The following TNKS variants were observed in gnomAD, a reference collection of about 807,000 sequenced individuals.
The protein encoded by TNKS is tankyrase, also known as poly [ADP-ribose] polymerase tankyrase-1.
In TNKS, 72 loss-of-function variants were observed where a neutral mutation model predicts 135.8. The ratio of observed to expected loss-of-function variants is 0.53; its 90% CI spans 0.44 to 0.64. The LOEUF (loss-of-function observed/expected upper bound fraction) is 0.64, where lower values mean the gene tolerates loss of function less well. TNKS is among the 30% of genes least tolerant of loss of function. TNKS has a pLI of 0.00. For missense variants in TNKS, 1,769 were observed against 1,674.0 expected, an observed-to-expected ratio of 1.06 and a Z score of -0.99; for synonymous variants, 849 against 649.3, an observed-to-expected ratio of 1.31 and a Z score of -4.68.
chr8:9,650,705 TGTTA>T (rs1178506645), intron 3 of TNKS, among the ~76,000 whole-genome samples: 8 of 152,296 alleles, frequency 5.3e-5, no homozygotes, highest in African/African-American at 9.6e-5. Flanking sequence ...AGATTCTAGA[TGTTA>T]GTTAGTCATC....
chr8:9,780,355 A>G lies in TNKS; in HGVS notation c.*3619A>G, dbSNP rs1044232831. 2.0e-5 allele frequency: 3 copies of G among 152,158 alleles called. No homozygotes were observed. Among genetic ancestry groups the G allele is most frequent in the Admixed American group, 6.5e-5 (1 of 15,280 alleles). 9.4% of individuals were successfully genotyped at this position (152,158 alleles called of 1,614,324 possible). Reference sequence around the variant, plus strand: ...TTCTTCTTGTGTTTTCTGTTGGACTAATTGTCTCACGTAAAGCTATAGACC... The same window carrying G: ...TTCTTCTTGTGTTTTCTGTTGGACTGATTGTCTCACGTAAAGCTATAGACC... On this transcript the variant is annotated 3_prime_UTR_variant, in exon 27 of 27. Coordinates refer to ENST00000310430, the MANE Select transcript of TNKS (RefSeq NM_003747.3).
intron 2 of TNKS, among the ~76,000 whole-genome samples, chr8:9,597,341 G>T (rs887199928): frequency 3.3e-5 from 5 of 152,208 alleles, no homozygotes; most frequent in Non-Finnish European, 4.4e-5. Context: ...TGCCACACAA[G>T]ACTATTTTTG....
intron 3 of TNKS, among the ~76,000 whole-genome samples, chr8:9,627,444 T>G (rs1800104542): frequency 6.6e-6 from 1 of 152,176 alleles, no homozygotes; most frequent in Non-Finnish European, 1.5e-5. Flanking sequence ...GCAGGTAGTC[T>G]TTGTGGGACT....
chr8:9,672,561 A>C (rs1305275788), intron 3 of TNKS, among the ~76,000 whole-genome samples: 1 of 151,826 alleles, frequency 6.6e-6, no homozygotes, highest in African/African-American at 2.4e-5. Context: ...TATAGAACAA[A>C]ATGTAAAAAC....
chr8:9,614,874 A>T lies in TNKS; in HGVS notation c.899-708A>T, dbSNP rs181651819. 1.9e-3 allele frequency among the ~76,000 whole-genome samples: 290 copies of T among 152,160 alleles called. 1 individual carries two copies. The highest frequency in any genetic ancestry group is 6.7e-3 in the African/African-American group (278 of 41,524). The stretch of plus-strand genomic sequence containing the variant: ...AACAGTGATTTTTTCTTTTGTAGGA[A>T]CCTCCATATTTAAGAATTCCCAGTA... On this transcript the variant is annotated intron_variant, in intron 2 of 26. Coordinates refer to ENST00000310430, the MANE Select transcript of TNKS (RefSeq NM_003747.3).
At chr8:9,729,673 T>C (rs1214821697) in intron 13 of TNKS, among the ~76,000 whole-genome samples, 1 of 152,164 alleles carries the variant, frequency 6.6e-6, no homozygotes, top group Non-Finnish European at 1.5e-5. Flanking sequence ...GATTTATTTA[T>C]CTGTAAAGTT....
At chr8:9,583,720 C>G (rs567810946) in intron 2 of TNKS, among the ~76,000 whole-genome samples, 2 of 152,064 alleles carry the variant, frequency 1.3e-5, no homozygotes, top group African/African-American at 2.4e-5. Flanking sequence ...ATCTCTTGAC[C>G]TTGTGATCCG....
chr8:9,753,745 A>AC lies in TNKS; in HGVS notation c.3153+1119_3153+1120insC, dbSNP rs536934326. 2.6e-5 allele frequency among the ~76,000 whole-genome samples: 4 copies of AC among 152,294 alleles called. No homozygotes were observed. In the South Asian group the frequency reaches 8.3e-4, roughly 32 times the overall value. On this transcript the variant is annotated intron_variant, in intron 20 of 26. Transcript: ENST00000310430. Reference sequence around the variant, plus strand: ...CATGTTAGTCCTCCAGCCAAGGAAGATATCTTGTTACAATTTGGGACAGGT... The same window carrying AC: ...CATGTTAGTCCTCCAGCCAAGGAAGACTATCTTGTTACAATTTGGGACAGGT...
chr8:9,564,926 A>G (rs1298821217), intron 1 of TNKS, among the ~76,000 whole-genome samples: 1 of 152,198 alleles, frequency 6.6e-6, no homozygotes, highest in Non-Finnish European at 1.5e-5. Context: ...AAAAAGCATT[A>G]TATCTTCAAG....
chr8:9,582,859 G>A (rs1440068665), intron 2 of TNKS, among the ~76,000 whole-genome samples: 1 of 151,962 alleles, frequency 6.6e-6, no homozygotes, highest in African/African-American at 2.4e-5. Context: ...GTCCTTTGTT[G>A]ACATTTCTTA....
At chr8:9,747,116 C>T (rs1262102119) in intron 17 of TNKS, among the ~76,000 whole-genome samples, 1 of 152,070 alleles carries the variant, frequency 6.6e-6, no homozygotes, top group Non-Finnish European at 1.5e-5. Flanking sequence ...CTCCTGACCT[C>T]AGGTGATCCG....
chr8:9,668,974 G>T (rs1802135364), intron 3 of TNKS, among the ~76,000 whole-genome samples: 1 of 151,956 alleles, frequency 6.6e-6, no homozygotes, highest in Admixed American at 6.6e-5. Flanking sequence ...TATTATTATT[G>T]AATAGGAGAA....
chr8:9,563,054 G>A (rs1292663294), intron 1 of TNKS, among the ~76,000 whole-genome samples: 2 of 151,382 alleles, frequency 1.3e-5, no homozygotes, highest in Non-Finnish European at 2.9e-5. Flanking sequence ...TTCTAAATTT[G>A]TTACTTGCTC....
chr8:9,622,534 A>T (rs1252853095), intron 3 of TNKS, among the ~76,000 whole-genome samples: 2 of 152,182 alleles, frequency 1.3e-5, no homozygotes, highest in African/African-American at 4.8e-5. Flanking sequence ...AGGAATTTGA[A>T]TTCAAGCAGT....
chr8:9,776,167 T>C (rs1808217301), intron 26 of TNKS, among the ~76,000 whole-genome samples: 1 of 152,202 alleles, frequency 6.6e-6, no homozygotes, highest in Admixed American at 6.5e-5. Flanking sequence ...TCCCAAACTG[T>C]TGTTTCTGGG....
intron 2 of TNKS, among the ~76,000 whole-genome samples, chr8:9,596,737 G>C (rs778013580): frequency 1.3e-5 from 2 of 152,172 alleles, no homozygotes; most frequent in African/African-American, 2.4e-5. Flanking sequence ...TAAATTTACT[G>C]TGGTACACAT....
intron 3 of TNKS, among the ~76,000 whole-genome samples, chr8:9,643,671 G>T (rs75301952): frequency 2.0e-5 from 3 of 152,234 alleles, no homozygotes; most frequent in Non-Finnish European, 4.4e-5. Context: ...CACTGTTGGT[G>T]GGATTGTAAA....
chr8:9,617,693 AT>A lies in TNKS; in HGVS notation c.994+2023del, dbSNP rs539726339. ...GCTAAATTTAAAAGATTAAACATTA[AT>A]TTTTTTAAAAGGGTTTCTTTTGAAA... On this transcript the variant is annotated intron_variant, in intron 3 of 26. Coordinates refer to ENST00000310430, the MANE Select transcript of TNKS (RefSeq NM_003747.3). Among the ~76,000 whole-genome samples the A allele has an allele frequency of 1.0e-3, 156 of 152,298 alleles. 1 individual carries two copies. The highest frequency in any genetic ancestry group is 3.6e-3 in the African/African-American group (148 of 41,566).
At chr8:9,590,043 G>C (rs1201045537) in intron 2 of TNKS, among the ~76,000 whole-genome samples, 1 of 152,222 alleles carries the variant, frequency 6.6e-6, no homozygotes, top group Non-Finnish European at 1.5e-5. Context: ...TGACAGCAGA[G>C]CATTGGGGCC....
Sources: allele counts gnomAD v4.1 joint callset (sites outside exome capture counted in the v4.1 genomes callset), GRCh38; gene constraint gnomAD v4.1.1; transcripts MANE v1.5; gene names NCBI Gene and HGNC (gene_info 2026-07-23, HGNC 2026-07-21).